ABCA1: variants seen among roughly 807,000 people sequenced by gnomAD.
ABCA1 encodes phospholipid-transporting ATPase ABCA1.
In ABCA1, 133 loss-of-function variants were observed where a neutral mutation model predicts 262.5. The ratio of observed to expected loss-of-function variants is 0.51; its 90% CI spans 0.44 to 0.59. ABCA1 has a LOEUF of 0.59. Ranked by LOEUF, ABCA1 falls within the 20% of genes least tolerant of loss-of-function variation. ABCA1 has a pLI of 0.00. For missense variants in ABCA1, 2,452 were observed against 2,777.5 expected, an observed-to-expected ratio of 0.88 and a Z score of 2.63; for synonymous variants, 1,022 against 1,043.5, an observed-to-expected ratio of 0.98 and a Z score of 0.40.
intron 40 of ABCA1, among the ~76,000 whole-genome samples, chr9:104,793,947 T>C (rs1309402313): frequency 6.6e-6 from 1 of 152,242 alleles, no homozygotes; most frequent in Non-Finnish European, 1.5e-5. Flanking sequence ...TAATACATTA[T>C]AATTTTATAG....
chr9:104,863,401 GGCACTAA>G (rs1251788941), intron 5 of ABCA1, among the ~76,000 whole-genome samples: 1 of 152,152 alleles, frequency 6.6e-6, no homozygotes, highest in Non-Finnish European at 1.5e-5. Flanking sequence ...CACATGGCCA[GGCACTAA>G]GCAACCTCTA....
In ABCA1 at chr9:104,797,549, T is replaced by G. The variant is rs1038785653; in HGVS notation, c.5121+872A>C. ...TCAGACCACAGCCTGAACACAAGGT[T>G]AATTCTTGGCTTTGCTTTTGAAAAC... On this transcript the variant is annotated intron_variant, in intron 37 of 49. Transcript: ENST00000374736. Among the ~76,000 whole-genome samples the G allele has an allele frequency of 2.2e-5, 3 of 136,952 alleles. No individual in the cohort carries two copies. The Admixed American group carries it at 2.3e-4, about 10-fold the overall frequency. The allele number at this position is 136,952 out of a possible 152,430, so 89.8% of individuals were successfully genotyped here. A position where few individuals can be genotyped will look rare whatever the true frequency, so the allele number is the denominator to read the frequency against.
intron 9 of ABCA1, 89 bp from the exon 10 acceptor site, chr9:104,837,656 T>A: frequency 6.6e-7 from 1 of 1,506,618 alleles, no homozygotes; most frequent in Non-Finnish European, 9.1e-7. Context: ...GAGTTCTTAG[T>A]TGAAACCCCA....
intron 1 of ABCA1, among the ~76,000 whole-genome samples, chr9:104,916,007 C>T (rs1425915875): frequency 2.6e-5 from 4 of 152,140 alleles, no homozygotes; most frequent in African/African-American, 9.7e-5. Flanking sequence ...CCTCTATTTG[C>T]TCCACAGAGA....
At chr9:104,892,288 C>CT (rs1352288144) in intron 2 of ABCA1, among the ~76,000 whole-genome samples, 8 of 150,480 alleles carry the variant, frequency 5.3e-5, no homozygotes, top group Non-Finnish European at 8.9e-5. Flanking sequence ...TCAGCCTTTT[C>CT]TTTTTTTTTA....
intron 1 of ABCA1, among the ~76,000 whole-genome samples, chr9:104,927,387 G>C (rs1826435930): frequency 6.6e-6 from 1 of 152,010 alleles, no homozygotes; most frequent in African/African-American, 2.4e-5. Flanking sequence ...CCTCCAACTC[G>C]AGTTCCCGGA....
At position 104,817,273 on chromosome 9, in the gene ABCA1, C is replaced by T. The variant is rs1004895629; in HGVS notation, c.3535+59G>A. 1.9e-6 allele frequency: 3 copies of T among 1,613,594 alleles called. No individual in the cohort carries two copies. Among genetic ancestry groups the T allele is most frequent in the Admixed American group, 1.7e-5 (1 of 60,006 alleles). ...CTGCACCTCTCCTCCTCTGCCTCCA[C>T]TCTGCCCAGCTGGGGGAAGCTCAGG... On this transcript the variant is annotated intron_variant, in intron 24 of 49. Transcript: ENST00000374736. This position sits in a 1 kb window ranked among gnomAD's most constrained non-coding sequence, Gnocchi z 4.7.
At chr9:104,834,735 A>T (rs752685361) in intron 11 of ABCA1, among the ~76,000 whole-genome samples, 11 of 133,486 alleles carry the variant, frequency 8.2e-5, no homozygotes, top group Non-Finnish European at 1.3e-4. Flanking sequence ...CAGCTCAGAA[A>T]AGAGAGCAAA....
At chr9:104,852,255 G>C (rs1835439000) in intron 7 of ABCA1, among the ~76,000 whole-genome samples, 1 of 152,158 alleles carries the variant, frequency 6.6e-6, no homozygotes, top group Admixed American at 6.5e-5. Context: ...TCACCACCCA[G>C]GAGTAATTGC....
chr9:104,787,759 G>C, intron 46 of ABCA1, 161 bp downstream of exon 46: 1 of 903,522 alleles, frequency 1.1e-6, no homozygotes, highest in Non-Finnish European at 1.3e-6. Context: ...ACCCCAGTGT[G>C]TGCCAAGGGA....
chr9:104,835,221 C>T (rs184199917), intron 11 of ABCA1, among the ~76,000 whole-genome samples: 1 of 149,264 alleles, frequency 6.7e-6, no homozygotes, highest in East Asian at 2.0e-4. Flanking sequence ...GCATTTCAGC[C>T]TGGGTGACAG....
intron 46 of ABCA1, 39 bp from the exon 47 acceptor site, chr9:104,787,015 A>C: frequency 1.3e-6 from 2 of 1,526,766 alleles, no homozygotes; most frequent in South Asian, 1.2e-5. Flanking sequence ...TGCTGGGGGG[A>C]AAAAAAATCA....
intron 29 of ABCA1, among the ~76,000 whole-genome samples, chr9:104,810,041 G>A (rs562497220): frequency 6.6e-6 from 1 of 150,760 alleles, no homozygotes; most frequent in South Asian, 2.1e-4. Flanking sequence ...CACAACTACG[G>A]GCAATACAGG....
At chr9:104,858,406 A>G in intron 7 of ABCA1, 116 bp downstream of exon 7, 1 of 1,165,990 alleles carries the variant, frequency 8.6e-7, no homozygotes, top group Non-Finnish European at 1.3e-6. Context: ...AAATTATATC[A>G]CAAACTCCCA....
chr9:104,839,554 G>T (rs1222676680), intron 9 of ABCA1, among the ~76,000 whole-genome samples: 1 of 152,080 alleles, frequency 6.6e-6, no homozygotes, highest in African/African-American at 2.4e-5. Context: ...TATCATTACT[G>T]TTATTTCTTT....
chr9:104,833,310 T>C (rs970903066), intron 11 of ABCA1, among the ~76,000 whole-genome samples: 2 of 152,068 alleles, frequency 1.3e-5, no homozygotes, highest in African/African-American at 2.4e-5. Flanking sequence ...GCCTACCAAG[T>C]AGCTAAGACT....
Position 104,802,123 on chromosome 9 carries a change from T to A in ABCA1, c.4629A>T (p.Gln1543His), listed in dbSNP as rs1195526722. Residue 1543 changes from glutamine (Q) to histidine (H), a missense_variant, in exon 34 of 50, where the codon CAA becomes CAT. By Grantham distance (24) the Gln-to-His change is conservative. Coordinates refer to ENST00000374736, the MANE Select transcript of ABCA1 (RefSeq NM_005502.4). ...TAACTTCTTGACTCGGAGGAAGTGC[T>A]TGAGTATTACTGACACCCAGGGAAA... is the stretch of plus-strand genomic sequence containing the variant. ...GGFSLGVSNT[Q>H]ALPPSQEVND... 1 of 1,614,212 alleles carries A rather than the reference T, an allele frequency of 6.2e-7. No individual in the cohort carries two copies. Among genetic ancestry groups the A allele is most frequent in the Admixed American group, 1.7e-5 (1 of 60,030 alleles).
At chr9:104,845,863 A>G (rs80324148) in intron 7 of ABCA1, among the ~76,000 whole-genome samples, 1,909 of 152,358 alleles carry the variant, frequency 0.013, 38 homozygotes, top group African/African-American at 0.044. Context: ...GATGTGTCCA[A>G]TACAACTCTG....
Position 104,825,740 on chromosome 9 carries a change from G to A in ABCA1, c.2485C>T (p.Leu829=). The change falls in exon 17 of 50, where the codon CTG becomes TTG. Residue 829 remains leucine (L), a synonymous_variant. Transcript: ENST00000374736. ...ACCCCATAGAGGAAGGTGTCAAACA[G>A]CATCATGGAGACCGAAGTGGTGAGA... ...FNLTTSVSMM[L]FDTFLYGVMT... is the part of the protein sequence containing the mutation. The A allele has an allele frequency of 6.2e-7, 1 of 1,614,246 alleles. No homozygotes were observed. Among genetic ancestry groups the A allele is most frequent in the South Asian group, 1.1e-5 (1 of 91,082 alleles).
Sources: allele counts gnomAD v4.1 joint callset (sites outside exome capture counted in the v4.1 genomes callset), GRCh38; gene constraint gnomAD v4.1.1; non-coding constraint Gnocchi (gnomAD v3.1); transcripts MANE v1.5; gene names NCBI Gene and HGNC (gene_info 2026-07-23, HGNC 2026-07-21).